RIC8B: variants seen among roughly 807,000 people sequenced by gnomAD.
RIC8B encodes chaperone Ric-8B.
Under a neutral mutation model 57.5 loss-of-function variants are expected in RIC8B, and 16 were observed. The ratio of observed to expected loss-of-function variants is 0.28; its 90% CI spans 0.19 to 0.42. The LOEUF is 0.42. Ranked by LOEUF, RIC8B falls within the 10% of genes least tolerant of loss-of-function variation. The pLI is 1.00. For missense variants in RIC8B, 481 were observed against 677.0 expected, an observed-to-expected ratio of 0.71 and a Z score of 3.21; for synonymous variants, 216 against 250.8, an observed-to-expected ratio of 0.86 and a Z score of 1.31.
intron 2 of RIC8B, among the ~76,000 whole-genome samples, chr12:106,800,222 G>A (rs907525923): frequency 1.3e-5 from 2 of 152,158 alleles, no homozygotes; most frequent in Non-Finnish European, 2.9e-5. Flanking sequence ...AAAGAAAAGA[G>A]GTTTAATTGG....
chr12:106,805,128 A>G (rs992809985), intron 2 of RIC8B, among the ~76,000 whole-genome samples: 6 of 152,170 alleles, frequency 3.9e-5, no homozygotes, highest in Non-Finnish European at 8.8e-5. Context: ...TATTTCAGGT[A>G]TCTACTATGG....
At chr12:106,833,574 C>G (rs1329399487) in intron 4 of RIC8B, among the ~76,000 whole-genome samples, 2 of 151,948 alleles carry the variant, frequency 1.3e-5, no homozygotes, top group Admixed American at 6.6e-5. Context: ...GCACTCCAGC[C>G]TGGGTGACAG....
At chr12:106,799,766 T>C (rs1279138536) in intron 2 of RIC8B, among the ~76,000 whole-genome samples, 5 of 152,206 alleles carry the variant, frequency 3.3e-5, no homozygotes, top group African/African-American at 9.7e-5. Flanking sequence ...TGCTATATTA[T>C]TAATGTGTTC....
At chr12:106,815,936 G>A (rs1310199092) in intron 3 of RIC8B, among the ~76,000 whole-genome samples, 1 of 152,180 alleles carries the variant, frequency 6.6e-6, no homozygotes, top group Admixed American at 6.5e-5. Context: ...TCTAAACAAA[G>A]ATCTTTCTTC....
intron 2 of RIC8B, among the ~76,000 whole-genome samples, chr12:106,806,110 C>T (rs146758276): frequency 0.018 from 2,760 of 152,220 alleles, 48 homozygotes; most frequent in Middle Eastern, 0.048. Flanking sequence ...CCTCCATGCC[C>T]GGCTAATTGT....
At chr12:106,844,081 T>C in intron 6 of RIC8B, 134 bp downstream of exon 6, 1 of 686,102 alleles carries the variant, frequency 1.5e-6, no homozygotes, top group Non-Finnish European at 2.5e-6. Flanking sequence ...TGAAATCTTC[T>C]TAATCAAGAA....
intron 2 of RIC8B, among the ~76,000 whole-genome samples, chr12:106,813,213 A>G (rs2045416718): frequency 8.8e-6 from 1 of 114,250 alleles, no homozygotes; most frequent in Non-Finnish European, 1.7e-5. Context: ...TTTTTTTGAG[A>G]CAGAGTCTCG....
At chr12:106,871,876 A>T (rs992489252) in intron 9 of RIC8B, among the ~76,000 whole-genome samples, 1 of 152,208 alleles carries the variant, frequency 6.6e-6, no homozygotes, top group Admixed American at 6.5e-5. Context: ...CACAGAAACG[A>T]GCAGAGATTA....
intron 3 of RIC8B, among the ~76,000 whole-genome samples, chr12:106,820,347 A>G (rs1162538110): frequency 6.6e-6 from 1 of 152,212 alleles, no homozygotes; most frequent in African/African-American, 2.4e-5. Flanking sequence ...AAATGTAGCT[A>G]GCCTTATTTC....
intron 2 of RIC8B, among the ~76,000 whole-genome samples, chr12:106,796,367 C>T (rs1227897258): frequency 1.3e-5 from 2 of 151,972 alleles, no homozygotes; most frequent in African/African-American, 2.4e-5. Flanking sequence ...GTGAGACCCC[C>T]ACCCCCCTCC....
At chr12:106,836,309 T>C (rs948017114) in intron 4 of RIC8B, among the ~76,000 whole-genome samples, 1 of 152,204 alleles carries the variant, frequency 6.6e-6, no homozygotes, top group Non-Finnish European at 1.5e-5. Context: ...TCTCTTTAAA[T>C]ACCATCTACA....
intron 2 of RIC8B, among the ~76,000 whole-genome samples, chr12:106,785,304 T>C (rs1326651846): frequency 6.6e-6 from 1 of 152,200 alleles, no homozygotes; most frequent in Non-Finnish European, 1.5e-5. Flanking sequence ...GCTCTCTCCC[T>C]CTTGTACACC....
At chr12:106,851,218 A>G (rs1352869669) in intron 6 of RIC8B, among the ~76,000 whole-genome samples, 1 of 152,072 alleles carries the variant, frequency 6.6e-6, no homozygotes, top group Non-Finnish European at 1.5e-5. Context: ...GTGTGATGAT[A>G]CAGTGAAGAG....
rs150217370 is a variant in RIC8B, at chr12:106,848,023, T to C, written c.1162-3427T>C. ...TACTACGTCCGGTGGTGACAAGTGC[T>C]ATGAGAGAGGTTCTGGCAGAGTAAG... On this transcript the variant is annotated intron_variant, in intron 6 of 9. Coordinates refer to ENST00000392837, the MANE Select transcript of RIC8B (RefSeq NM_001330145.2). 6.9e-4 allele frequency among the ~76,000 whole-genome samples: 105 copies of C among 152,068 alleles called. 1 individual carries two copies. In the East Asian group the frequency reaches 0.019, roughly 28 times the overall value.
At chr12:106,806,063 C>T (rs2045002887) in intron 2 of RIC8B, among the ~76,000 whole-genome samples, 1 of 152,194 alleles carries the variant, frequency 6.6e-6, no homozygotes, top group African/African-American at 2.4e-5. Flanking sequence ...GACTCTTCTG[C>T]CTCAGCCTCC....
At chr12:106,878,593 T>C (rs1950777831) in intron 9 of RIC8B, among the ~76,000 whole-genome samples, 1 of 152,188 alleles carries the variant, frequency 6.6e-6, no homozygotes, top group South Asian at 2.1e-4. Context: ...GAATTAAATA[T>C]GAAATGGCTA....
At chr12:106,784,069 A>G in intron 2 of RIC8B, 25 bp downstream of exon 2, 2 of 1,605,286 alleles carry the variant, frequency 1.2e-6, no homozygotes, top group South Asian at 2.2e-5. Context: ...TGCTCTGTGA[A>G]TGTTTATGTG....
chr12:106,821,289 G>A (rs760554358), intron 3 of RIC8B, among the ~76,000 whole-genome samples: 6 of 152,094 alleles, frequency 3.9e-5, no homozygotes, highest in African/African-American at 9.7e-5. Context: ...CTCATCTAAC[G>A]GATATTTATG....
intron 6 of RIC8B, among the ~76,000 whole-genome samples, chr12:106,850,343 A>C (rs1297583194): frequency 6.6e-6 from 1 of 152,226 alleles, no homozygotes; most frequent in Non-Finnish European, 1.5e-5. Context: ...ATTGAGTAAA[A>C]ATAATGAAGT....
Sources: gnomAD v4.1 joint callset for allele counts (sites outside exome capture counted in the v4.1 genomes callset) on GRCh38, gnomAD v4.1.1 for gene constraint, MANE v1.5 for transcripts, NCBI Gene and HGNC (gene_info 2026-07-23, HGNC 2026-07-21) for gene names.